The following LRRK1 variants were observed in gnomAD, a reference collection of about 807,000 sequenced individuals.
The protein encoded by LRRK1 is leucine rich repeat kinase 1, also known as leucine-rich repeat serine/threonine-protein kinase 1.
In LRRK1, 113 loss-of-function variants were observed where a neutral mutation model predicts 209.1. That is an observed-to-expected ratio of 0.54 (90% confidence interval 0.46 to 0.63). The LOEUF (loss-of-function observed/expected upper bound fraction) is 0.63. Ranked by LOEUF, LRRK1 falls within the 30% of genes least tolerant of loss-of-function variation. The probability of loss-of-function intolerance (pLI) is 0.00; values close to 1 mark genes in which losing one functional copy is unlikely to be tolerated. For synonymous variants in LRRK1, 1,144 were observed against 1,099.7 expected (o/e 1.04, Z -0.80); for missense variants, 2,284 against 2,632.2 (o/e 0.87, Z 2.89).
chr15:100,978,104 A>G (rs568190265), intron 3 of LRRK1, among the ~76,000 whole-genome samples: 4 of 152,340 alleles, frequency 2.6e-5, no homozygotes, highest in East Asian at 1.9e-4. Flanking sequence ...AAAAAACTCA[A>G]TGAATGGGCT....
In LRRK1 at chr15:101,055,228, G is replaced by A. The variant is rs368567130; in HGVS notation, c.4332+5G>A. 1.4e-5 allele frequency: 22 copies of A among 1,538,342 alleles called. No homozygotes were observed. In the Admixed American group the frequency reaches 2.4e-4, roughly 17 times the overall value. On this transcript the variant is annotated splice_donor_5th_base_variant and intron_variant, in intron 27 of 33. Transcript: ENST00000388948. ...CGCATTGTATATGATGAGAAGGTAC[G>A]TGCCTGGATCCCCTGGCCCAGCCCC... is the stretch of plus-strand genomic sequence containing the variant.
rs35220453 is a variant in LRRK1 at position 101,011,474 on chromosome 15, CAAA to C, written c.1282-518_1282-516del. 1.9e-3 allele frequency among the ~76,000 whole-genome samples: 147 copies of C among 78,192 alleles called. 1 individual carries two copies. The highest frequency in any genetic ancestry group is 2.9e-3 in the Non-Finnish European group (108 of 37,340). 51.3% of individuals were successfully genotyped at this position (78,192 alleles called of 152,430 possible). Reference sequence around the variant, plus strand: ...CTGGTGACAGAGCAAGACTCTGTCTCAAAAAAAAAAAAAAAAAAGCATCAATCT... The same window carrying C: ...CTGGTGACAGAGCAAGACTCTGTCTCAAAAAAAAAAAAAAAGCATCAATCT... On this transcript the variant is annotated intron_variant, in intron 9 of 33. Coordinates refer to ENST00000388948, the MANE Select transcript of LRRK1 (RefSeq NM_024652.6).
intron 31 of LRRK1, among the ~76,000 whole-genome samples, 195 bp downstream of exon 31, chr15:101,062,885 T>TAAGTC (rs1326351290): frequency 1.3e-5 from 2 of 152,170 alleles, no homozygotes; most frequent in Non-Finnish European, 2.9e-5. Context: ...TGCAAAAACC[T>TAAGTC]AAGTCAAGTC....
intron 3 of LRRK1, among the ~76,000 whole-genome samples, chr15:100,979,351 C>T (rs1279060835): frequency 6.6e-6 from 1 of 152,140 alleles, no homozygotes; most frequent in Non-Finnish European, 1.5e-5. Flanking sequence ...CAATATAATA[C>T]TGCAAGTTCT....
chr15:101,066,192 A>C lies in LRRK1; in HGVS notation c.5755A>C (p.Ile1919Leu), dbSNP rs1252115722. The C allele has an allele frequency of 1.2e-6, 2 of 1,608,088 alleles. No homozygotes were observed. The highest frequency in any genetic ancestry group is 2.2e-5 in the South Asian group (2 of 90,682). ...GAAGATCCTCGCCGTCAGAGACCTC[A>C]TTTGGGTCCCCAGGTACGTTTCCCG... ...AVKILAVRDL[I>L]WVPRRGGDVI... The change falls in exon 32 of 34, where the codon ATT becomes CTT. Residue 1919 changes from isoleucine to leucine, a missense_variant. Physicochemically the swap from Ile to Leu is conservative, Grantham distance 5 (BLOSUM62 2). Coordinates refer to ENST00000388948, the MANE Select transcript of LRRK1 (RefSeq NM_024652.6).
At chr15:101,048,933 C>T (rs1358473789) in intron 22 of LRRK1, among the ~76,000 whole-genome samples, 3 of 152,182 alleles carry the variant, frequency 2.0e-5, no homozygotes, top group Admixed American at 6.5e-5. Context: ...GGCCATTGAG[C>T]TCAGGAGAGC....
chr15:101,065,427 G>C lies in LRRK1; in HGVS notation c.4990G>C (p.Asp1664His). 2.5e-6 allele frequency: 4 copies of C among 1,614,174 alleles called. No homozygotes were observed. The highest frequency in any genetic ancestry group is 3.4e-6 in the Non-Finnish European group (4 of 1,180,046). The change falls in exon 32 of 34, where the codon GAC (aspartate) becomes CAC (histidine). Residue 1664 changes from aspartate to histidine, a missense_variant. Transcript: ENST00000388948. The stretch of plus-strand genomic sequence containing the variant: ...TCCCGTGGTGCGGGGCACCCCAAAG[G>C]ACAGCTGCTCCTACCTGTGCTCACA... ...VFPVVRGTPK[D>H]SCSYLCSHTA...
intron 6 of LRRK1, among the ~76,000 whole-genome samples, chr15:100,992,496 T>G (rs2032199204): frequency 6.6e-6 from 1 of 152,240 alleles, no homozygotes; most frequent in Admixed American, 6.5e-5. Flanking sequence ...ACTTTTTCTC[T>G]TTCAAACTTA....
chr15:101,052,791 T>G (rs1223802062), intron 24 of LRRK1, 131 bp from the exon 25 acceptor site: 1 of 1,084,488 alleles, frequency 9.2e-7, no homozygotes. Context: ...AGGGCCGGGG[T>G]GGCCCAGATC....
At chr15:101,066,288 C>G (rs2036527972) in intron 32 of LRRK1, 83 bp downstream of exon 32, 1 of 1,499,070 alleles carries the variant, frequency 6.7e-7, no homozygotes, top group Non-Finnish European at 8.9e-7. Flanking sequence ...AGCCCCCTGG[C>G]TTCCTTACAG....
At chr15:101,016,671 G>A (rs542029225) in intron 12 of LRRK1, among the ~76,000 whole-genome samples, 2 of 152,236 alleles carry the variant, frequency 1.3e-5, no homozygotes, top group Non-Finnish European at 2.9e-5. Flanking sequence ...TGACTGATTT[G>A]TCCCAGGTTG....
In LRRK1 at chr15:100,953,539, C is replaced by CATATGT. The variant is rs2042697336; in HGVS notation, c.98-20254_98-20249dup. On this transcript the variant is annotated intron_variant, in intron 2 of 33. Transcript: ENST00000388948. ...ATATATATATATATATATATACACACATATGTATATGTATATAAGCCATAT... is the reference window on the plus strand; with the variant it reads ...ATATATATATATATATATATACACACATATGTATATGTATATGTATATAAGCCATAT... Among the ~76,000 whole-genome samples the CATATGT allele has an allele frequency of 1.2e-4, 18 of 147,816 alleles. No individual in the cohort carries two copies. In the South Asian group the frequency reaches 3.9e-3, roughly 32 times the overall value.
chr15:100,975,227 C>A (rs1320839302), intron 3 of LRRK1, among the ~76,000 whole-genome samples: 1 of 152,264 alleles, frequency 6.6e-6, no homozygotes, highest in Non-Finnish European at 1.5e-5. Context: ...GGGCAGCAAA[C>A]ACAGCCTGGC....
chr15:101,052,015 C>T (rs905469573), intron 24 of LRRK1, 55 bp downstream of exon 24: 4 of 1,574,834 alleles, frequency 2.5e-6, no homozygotes, highest in African/African-American at 1.3e-5. Flanking sequence ...GGGCGTTCCT[C>T]GCTGTGCAGT....
intron 2 of LRRK1, among the ~76,000 whole-genome samples, chr15:100,928,799 C>CT (rs1259891849): frequency 4.6e-5 from 7 of 152,140 alleles, no homozygotes. Flanking sequence ...TTCAAAGCCC[C>CT]TGGATGTGGG....
At chr15:100,941,380 GTCTGTGTCTC>G (rs2042417103) in intron 2 of LRRK1, among the ~76,000 whole-genome samples, 1 of 149,196 alleles carries the variant, frequency 6.7e-6, no homozygotes, top group Admixed American at 6.7e-5. Context: ...GTATGTGTGT[GTCTGTGTCTC>G]TGTGTGTGTC....
chr15:100,987,101 A>C (rs2031916936), intron 4 of LRRK1, among the ~76,000 whole-genome samples: 1 of 152,116 alleles, frequency 6.6e-6, no homozygotes, highest in Non-Finnish European at 1.5e-5. Context: ...CATACCTACA[A>C]ATCATTAATT....
chr15:101,019,381 A>G (rs74040232), intron 12 of LRRK1, among the ~76,000 whole-genome samples: 10,289 of 152,228 alleles, frequency 0.068, 1,148 homozygotes, highest in African/African-American at 0.23. Flanking sequence ...CATTGAAGGA[A>G]AAAAAAGGAA....
chr15:101,012,900 C>CGG (rs57376372), intron 10 of LRRK1, among the ~76,000 whole-genome samples: 2,259 of 149,800 alleles, frequency 0.015, 38 homozygotes, highest in East Asian at 0.073. Flanking sequence ...GGGGTGCCCC[C>CGG]GGGGGGGGGT....
Sources: gnomAD v4.1 joint callset for allele counts (sites outside exome capture counted in the v4.1 genomes callset) on GRCh38, gnomAD v4.1.1 for gene constraint, MANE v1.5 for transcripts, NCBI Gene and HGNC (gene_info 2026-07-23, HGNC 2026-07-21) for gene names.